The following CYB5R4 variants were observed in gnomAD, a reference collection of about 807,000 sequenced individuals.
CYB5R4 encodes the protein cytochrome b5 reductase 4.
In CYB5R4, 55 loss-of-function variants were observed where a neutral mutation model predicts 70.2. The observed-to-expected ratio is 0.78, with a 90% CI of 0.63 to 0.98. The LOEUF is 0.98. Ranked by LOEUF, CYB5R4 falls within the 50% of genes least tolerant of loss-of-function variation. CYB5R4 has a pLI of 0.00. For missense variants in CYB5R4, 562 were observed against 612.6 expected (o/e 0.92, Z 0.87); for synonymous variants, 197 against 199.5 (o/e 0.99, Z 0.11).
intron 14 of CYB5R4, among the ~76,000 whole-genome samples, chr6:83,952,791 G>A (rs910014500): frequency 3.4e-5 from 5 of 148,486 alleles, no homozygotes; most frequent in Admixed American, 1.3e-4. Flanking sequence ...ATAGACATAG[G>A]AAGAAGGCAC....
chr6:83,919,336 A>G, intron 6 of CYB5R4, 61 bp from the exon 7 acceptor site: 1 of 886,556 alleles, frequency 1.1e-6, no homozygotes, highest in Non-Finnish European at 1.7e-6. Flanking sequence ...TTAATGATTA[A>G]TATATGTGAA....
chr6:83,916,073 A>G (rs1246650209), intron 5 of CYB5R4, among the ~76,000 whole-genome samples: 2 of 152,108 alleles, frequency 1.3e-5, no homozygotes, highest in South Asian at 4.1e-4. Flanking sequence ...TTAAATTAAG[A>G]TATATTCCAT....
intron 2 of CYB5R4, among the ~76,000 whole-genome samples, chr6:83,865,547 C>T (rs765020255): frequency 4.1e-4 from 62 of 152,114 alleles, no homozygotes; most frequent in Non-Finnish European, 2.2e-4. Context: ...TTCATCTTCA[C>T]GTGGCATATT....
intron 3 of CYB5R4, among the ~76,000 whole-genome samples, chr6:83,907,392 A>G (rs1168195615): frequency 1.3e-5 from 2 of 152,186 alleles, no homozygotes; most frequent in Non-Finnish European, 2.9e-5. Flanking sequence ...TTTCTTTTCA[A>G]GAAAATAACT....
At chr6:83,893,759 G>T in intron 3 of CYB5R4, 137 bp downstream of exon 3, 1 of 533,982 alleles carries the variant, frequency 1.9e-6, no homozygotes, top group Non-Finnish European at 3.3e-6. Flanking sequence ...GTGGGAAGAT[G>T]CTCACAAGTA....
chr6:83,905,291 A>G (rs2099463592), intron 3 of CYB5R4, among the ~76,000 whole-genome samples: 1 of 152,160 alleles, frequency 6.6e-6, no homozygotes, highest in African/African-American at 2.4e-5. Context: ...TCTTGACCTC[A>G]GGTGATCTTC....
At chr6:83,865,922 G>C (rs936805373) in intron 2 of CYB5R4, among the ~76,000 whole-genome samples, 1 of 152,198 alleles carries the variant, frequency 6.6e-6, no homozygotes, top group African/African-American at 2.4e-5. Context: ...TGAGGATTCT[G>C]GCAGGTGCAA....
chr6:83,859,911 GTGTGTTC>G, intron 1 of CYB5R4, 54 bp downstream of exon 1: 4 of 1,518,778 alleles, frequency 2.6e-6, no homozygotes, highest in Non-Finnish European at 3.6e-6. Context: ...AGCTCTGGCA[GTGTGTTC>G]TCTTCTTCCG....
chr6:83,913,444 C>T (rs1018106519), intron 4 of CYB5R4, among the ~76,000 whole-genome samples: 1 of 152,128 alleles, frequency 6.6e-6, no homozygotes, highest in African/African-American at 2.4e-5. Flanking sequence ...CTCTGATTTT[C>T]AGCCTTTTTT....
At chr6:83,934,891 C>T (rs2099468680) in intron 11 of CYB5R4, among the ~76,000 whole-genome samples, 156 bp downstream of exon 11, 1 of 152,168 alleles carries the variant, frequency 6.6e-6, no homozygotes. Context: ...GTGACTGCAA[C>T]GTGTCCTACA....
At chr6:83,949,026 C>T (rs988691575) in intron 14 of CYB5R4, among the ~76,000 whole-genome samples, 2 of 151,580 alleles carry the variant, frequency 1.3e-5, no homozygotes, top group East Asian at 3.9e-4. Context: ...TCCCTAACCT[C>T]TTTCTGGAGA....
chr6:83,873,203 A>C (rs1169654458), intron 2 of CYB5R4, among the ~76,000 whole-genome samples: 1 of 145,354 alleles, frequency 6.9e-6, no homozygotes, highest in Non-Finnish European at 1.5e-5. Flanking sequence ...GTTAATTAAC[A>C]TTGCTAGTTA....
At chr6:83,930,181 C>T (rs919255114) in intron 10 of CYB5R4, among the ~76,000 whole-genome samples, 1 of 152,150 alleles carries the variant, frequency 6.6e-6, no homozygotes, top group African/African-American at 2.4e-5. Flanking sequence ...TGCCTCGATG[C>T]TGATGATTGG....
chr6:83,887,205 A>G (rs1208887978), intron 2 of CYB5R4, among the ~76,000 whole-genome samples: 1 of 152,136 alleles, frequency 6.6e-6, no homozygotes, highest in Non-Finnish European at 1.5e-5. Context: ...GCTACTAGGC[A>G]CTGGATCTGT....
At chr6:83,884,108 G>A (rs1006771205) in intron 2 of CYB5R4, among the ~76,000 whole-genome samples, 7 of 151,908 alleles carry the variant, frequency 4.6e-5, no homozygotes, top group African/African-American at 1.7e-4. Flanking sequence ...TAATAATTAA[G>A]TGTAAATGAA....
Position 83,894,414 on chromosome 6 carries a change from A to C in CYB5R4, c.330+792A>C, listed in dbSNP as rs191416044. On this transcript the variant is annotated intron_variant, in intron 3 of 15. Transcript: ENST00000369681. ...CCTGAATCAGGTTGGGTTATATTATAGCTGTTTTTTTGATCAAATATAATT... is the reference window on the plus strand; with the variant it reads ...CCTGAATCAGGTTGGGTTATATTATCGCTGTTTTTTTGATCAAATATAATT... Among the ~76,000 whole-genome samples the C allele has an allele frequency of 1.0e-3, 156 of 152,156 alleles. 2 individuals are homozygous for C. In the South Asian group the frequency reaches 0.016, roughly 16 times the overall value.
rs371120076 is a variant in CYB5R4 at position 83,959,523 on chromosome 6, A to G, written c.1512-301A>G. 3.9e-5 allele frequency among the ~76,000 whole-genome samples: 6 copies of G among 152,314 alleles called. No homozygotes were observed. The East Asian group carries it at 5.8e-4, about 15-fold the overall frequency. On this transcript the variant is annotated intron_variant, in intron 15 of 15. Coordinates refer to ENST00000369681, the MANE Select transcript of CYB5R4 (RefSeq NM_016230.4). The stretch of plus-strand genomic sequence containing the variant: ...GGATCTTACAGATCAAAGGATGCCT[A>G]AAAGACTTATCAGCCAATCATAATG...
Position 83,864,251 on chromosome 6 carries a change from A to G in CYB5R4, c.152A>G (p.Lys51Arg). ...AGTGGAAAGGATCTAACGGGATTAA[A>G]AGGCAGGTTAATTGAAGTAACTGAA... ...TKSGKDLTGL[K>R]GRLIEVTEEE... is the part of the protein sequence containing the mutation. The change falls in exon 2 of 16, where the codon AAA becomes AGA. Residue 51 changes from lysine to arginine, a missense_variant. Physicochemically the swap from Lys to Arg is conservative, Grantham distance 26. Coordinates refer to ENST00000369681, the MANE Select transcript of CYB5R4 (RefSeq NM_016230.4). The G allele has an allele frequency of 6.2e-7, 1 of 1,613,634 alleles. No homozygotes were observed. Among genetic ancestry groups the G allele is most frequent in the Non-Finnish European group, 8.5e-7 (1 of 1,179,714 alleles).
chr6:83,866,850 CTCA>C (rs2099456804), intron 2 of CYB5R4, among the ~76,000 whole-genome samples: 4 of 152,132 alleles, frequency 2.6e-5, no homozygotes, highest in Admixed American at 2.0e-4. Context: ...AATTCCAGGT[CTCA>C]AGCAGTCCTC....
Sources: allele counts gnomAD v4.1 joint callset (sites outside exome capture counted in the v4.1 genomes callset), GRCh38; gene constraint gnomAD v4.1.1; transcripts MANE v1.5; gene names NCBI Gene and HGNC (gene_info 2026-07-23, HGNC 2026-07-21).